Variants in BBS4 observed in about 807,000 individuals in gnomAD.
BBS4 encodes the protein BBSome complex member BBS4.
A neutral mutation model predicts 71.4 loss-of-function variants in BBS4; 58 were observed. The observed-to-expected ratio is 0.81, with a 90% CI of 0.66 to 1.01. BBS4 has a LOEUF of 1.01. BBS4 is among the 50% of genes least tolerant of loss of function. The pLI, the probability that BBS4 is intolerant of heterozygous loss-of-function variation, is 0.00. For missense variants in BBS4, 660 were observed against 607.9 expected (o/e 1.09, Z -0.90); for synonymous variants, 228 against 216.8 (o/e 1.05, Z -0.46).
Position 72,709,557 on chromosome 15 carries a change from CTATAA to C in BBS4, c.77-138_77-134del, listed in dbSNP as rs577233772. On this transcript the variant is annotated intron_variant, in intron 2 of 15. Coordinates refer to ENST00000268057, the MANE Select transcript of BBS4 (RefSeq NM_033028.5). ...TAATAGTCTATAAATTTTTGATGCA[CTATAA>C]TATATTATTGTAGTCAGTAGCATCA... The C allele has an allele frequency of 7.1e-4, 487 of 687,756 alleles. 10 individuals carry two copies. Among genetic ancestry groups the C allele is most frequent in the South Asian group, 6.3e-3 (395 of 62,858 alleles). The allele number at this position is 687,756 out of a possible 1,614,324, so 42.6% of individuals were successfully genotyped here. A position where few individuals can be genotyped will look rare whatever the true frequency, so the allele number is the denominator to read the frequency against.
intron 1 of BBS4, among the ~76,000 whole-genome samples, chr15:72,687,685 T>G (rs1388397526): frequency 6.6e-6 from 1 of 152,056 alleles, no homozygotes; most frequent in Non-Finnish European, 1.5e-5. Context: ...CCTAGCACCT[T>G]GGGAGGCTGA....
At chr15:72,687,596 T>G (rs1457239669) in intron 1 of BBS4, among the ~76,000 whole-genome samples, 1 of 95,892 alleles carries the variant, frequency 1.0e-5, no homozygotes, top group East Asian at 2.7e-4. Context: ...AGAGACAGAC[T>G]CCTTCTCAAA....
intron 2 of BBS4, among the ~76,000 whole-genome samples, chr15:72,705,808 G>A (rs1424089219): frequency 2.0e-5 from 3 of 152,004 alleles, no homozygotes; most frequent in Middle Eastern, 3.4e-3. Flanking sequence ...TGGCCTTGAA[G>A]TGCTGGACTC....
In BBS4 at chr15:72,731,366, A is replaced by C. The variant is rs2065817219; in HGVS notation, c.773A>C (p.Lys258Thr). 1.9e-6 allele frequency: 3 copies of C among 1,614,138 alleles called. No homozygotes were observed. Among genetic ancestry groups the C allele is most frequent in the East Asian group, 4.5e-5 (2 of 44,880 alleles). Residue 258 changes from lysine (K) to threonine (T), a missense_variant, in exon 11 of 16, where the codon AAA (lysine) becomes ACA (threonine). Lys to Thr is a moderately conservative substitution (Grantham distance 78). Transcript: ENST00000268057. ...THGDFDVALT[K>T]YRVVACAVPE... ...GGGGACTTTGATGTTGCCCTCACCAAATACAGAGTTGTGGCTTGTGCTGTT... is the reference window on the plus strand; with the variant it reads ...GGGGACTTTGATGTTGCCCTCACCACATACAGAGTTGTGGCTTGTGCTGTT...
chr15:72,728,416 T>C (rs557557553), intron 9 of BBS4, among the ~76,000 whole-genome samples: 1 of 152,116 alleles, frequency 6.6e-6, no homozygotes, highest in Middle Eastern at 3.4e-3. Context: ...GAAGATTGCT[T>C]GAACTCGGAA....
At chr15:72,729,822 G>T (rs2065777074) in intron 10 of BBS4, 138 bp downstream of exon 10, 1 of 720,868 alleles carries the variant, frequency 1.4e-6, no homozygotes, top group African/African-American at 1.8e-5. Context: ...ATAAAAGGTG[G>T]CTCTTCTTAT....
intron 12 of BBS4, among the ~76,000 whole-genome samples, chr15:72,732,632 A>T (rs1046624339): frequency 5.3e-5 from 8 of 149,992 alleles, no homozygotes; most frequent in African/African-American, 2.0e-4. Flanking sequence ...AGATAACTTT[A>T]AAAAAAAAAC....
chr15:72,721,549 C>T (rs892981856), intron 6 of BBS4, among the ~76,000 whole-genome samples: 2 of 152,268 alleles, frequency 1.3e-5, no homozygotes, highest in South Asian at 2.1e-4. Context: ...ATTTCCTTAT[C>T]TGTAAAATTG....
At chr15:72,727,627 A>G (rs3759870) in intron 8 of BBS4, among the ~76,000 whole-genome samples, 18,363 of 152,096 alleles carry the variant, frequency 0.12, 1,843 homozygotes, top group East Asian at 0.51. Context: ...TTTATAAAGC[A>G]TTGTTCTTTA....
intron 6 of BBS4, among the ~76,000 whole-genome samples, chr15:72,719,139 A>G (rs1430264732): frequency 6.6e-6 from 1 of 151,902 alleles, no homozygotes; most frequent in Non-Finnish European, 1.5e-5. Context: ...TGCATTCTCT[A>G]TGGGGGCCAG....
intron 10 of BBS4, among the ~76,000 whole-genome samples, chr15:72,730,506 C>G (rs1309355466): frequency 1.3e-5 from 2 of 151,944 alleles, no homozygotes; most frequent in African/African-American, 4.8e-5. Flanking sequence ...GAGGGAAGAT[C>G]ACTTGAGCCC....
At chr15:72,698,040 G>A (rs1324040792) in intron 2 of BBS4, 1 of 455,750 alleles carries the variant, frequency 2.2e-6, no homozygotes, top group Non-Finnish European at 4.4e-6. Flanking sequence ...TCATTGAGGT[G>A]AGCGAACTGA....
At chr15:72,736,362 C>A (rs926773096) in intron 14 of BBS4, among the ~76,000 whole-genome samples, 5 of 151,778 alleles carry the variant, frequency 3.3e-5, no homozygotes, top group African/African-American at 1.2e-4. Flanking sequence ...CTGCCTCAGC[C>A]TTCCAAGTAG....
chr15:72,706,383 G>T (rs7175918), intron 2 of BBS4, among the ~76,000 whole-genome samples: 27,365 of 151,980 alleles, frequency 0.18, 2,828 homozygotes, highest in African/African-American at 0.28. Context: ...TGATCCACCT[G>T]CGTGGACCTC....
chr15:72,696,027 T>G (rs747963473), intron 2 of BBS4, among the ~76,000 whole-genome samples: 4 of 152,244 alleles, frequency 2.6e-5, no homozygotes, highest in African/African-American at 4.8e-5. Context: ...ATACTTACAA[T>G]TACAGATATT....
In BBS4 at chr15:72,724,487, T is replaced by C. The variant is rs113074508; in HGVS notation, c.460-41T>C. ...CCATATAAAGGTATAGTTCGTTCAGTGGTAGTGATTTGGTTTTCTTTATTT... is the reference window on the plus strand; with the variant it reads ...CCATATAAAGGTATAGTTCGTTCAGCGGTAGTGATTTGGTTTTCTTTATTT... On this transcript the variant is annotated intron_variant, in intron 7 of 15. Coordinates refer to ENST00000268057, the MANE Select transcript of BBS4 (RefSeq NM_033028.5). 217 of 1,611,926 alleles carry C rather than the reference T, an allele frequency of 1.3e-4. 1 individual carries two copies. The African/African-American group carries it at 2.7e-3, about 20-fold the overall frequency.
chr15:72,689,842 G>C, intron 1 of BBS4, among the ~76,000 whole-genome samples: 1 of 150,346 alleles, frequency 6.7e-6, no homozygotes, highest in East Asian at 2.0e-4. Context: ...ACGGAGTCTT[G>C]CTCTGTCGCC....
At chr15:72,734,935 A>G in intron 12 of BBS4, 178 bp from the exon 13 acceptor site, 1 of 624,340 alleles carries the variant, frequency 1.6e-6, no homozygotes, top group South Asian at 1.6e-5. Context: ...GATGCATAGA[A>G]CCTGGCAACT....
At chr15:72,712,517 G>C (rs943905639) in intron 4 of BBS4, among the ~76,000 whole-genome samples, 17 of 152,240 alleles carry the variant, frequency 1.1e-4, no homozygotes, top group African/African-American at 4.1e-4. Flanking sequence ...GGATGATATA[G>C]TGTACTATAC....
Sources: gnomAD v4.1 joint callset for allele counts (sites outside exome capture counted in the v4.1 genomes callset) on GRCh38, gnomAD v4.1.1 for gene constraint, MANE v1.5 for transcripts, NCBI Gene and HGNC (gene_info 2026-07-23, HGNC 2026-07-21) for gene names.